C4orf33: variants seen among roughly 807,000 people sequenced by gnomAD.
The protein encoded by C4orf33 is UPF0462 protein C4orf33.
Under a neutral mutation model 24.3 loss-of-function variants are expected in C4orf33, and 20 were observed. The ratio of observed to expected loss-of-function variants is 0.82; its 90% CI spans 0.58 to 1.19. C4orf33 has a LOEUF of 1.19. Ranked by LOEUF, C4orf33 falls within the 50% of genes most tolerant of loss-of-function variation. The pLI, the probability that C4orf33 is intolerant of heterozygous loss-of-function variation, is 0.00. For synonymous variants in C4orf33, 67 were observed against 76.4 expected, an observed-to-expected ratio of 0.88 and a Z score of 0.64; for missense variants, 207 against 225.9, an observed-to-expected ratio of 0.92 and a Z score of 0.54.
Position 129,111,897 on chromosome 4 carries a change from A to C in C4orf33, c.*106A>C. The C allele has an allele frequency of 1.7e-6, 1 of 579,188 alleles. No homozygotes were observed. Among genetic ancestry groups the C allele is most frequent in the Non-Finnish European group, 3.1e-6 (1 of 327,356 alleles). The allele number at this position is 579,188 out of a possible 1,614,324, so 35.9% of individuals were successfully genotyped here. A position where few individuals can be genotyped will look rare whatever the true frequency, so the allele number is the denominator to read the frequency against. ...TGTCATGCATACATTTCAACAACAAATATCTTCATAGAAGTCACTGAAAAT... is the reference window on the plus strand; with the variant it reads ...TGTCATGCATACATTTCAACAACAACTATCTTCATAGAAGTCACTGAAAAT... On this transcript the variant is annotated 3_prime_UTR_variant, in exon 6 of 6. Coordinates refer to ENST00000425929, the MANE Select transcript of C4orf33 (RefSeq NM_001099783.2).
rs373760982 is a variant in C4orf33, at chr4:129,106,644, G to T, written c.239G>T (p.Cys80Phe). The stretch of plus-strand genomic sequence containing the variant: ...GAGCAATATTTAGAAGTTGAACTTT[G>T]TCCGTAAGTATAAAATGTTTTTTCT... ...ITEQYLEVEL[C>F]PHGQHLVLLL... Residue 80 changes from cysteine to phenylalanine, a missense_variant, in exon 3 of 6, where the codon TGT becomes TTT. Coordinates refer to ENST00000425929, the MANE Select transcript of C4orf33 (RefSeq NM_001099783.2). The T allele has an allele frequency of 6.2e-5, 93 of 1,503,794 alleles. No homozygotes were observed. The African/African-American group carries it at 1.2e-3, about 20-fold the overall frequency. 93.2% of individuals were successfully genotyped at this position (1,503,794 alleles called of 1,614,324 possible).
intron 1 of C4orf33, chr4:129,102,086 A>T (rs1337689282): frequency 2.0e-5 from 3 of 152,132 alleles, no homozygotes; most frequent in African/African-American, 7.2e-5. Context: ...GAATTTTATT[A>T]TAAAGATCTT....
In C4orf33 at chr4:129,109,539, C is replaced by T; in HGVS notation, c.361C>T (p.Pro121Ser). ...AAAATGGGAAGGCAAAGCTTATCTC[C>T]CTTGGAGTTATTTTCCACCAAATGT... Reference protein sequence around the residue: ...ETKWEGKAYLPWSYFPPNVTK... With the variant: ...ETKWEGKAYLSWSYFPPNVTK... The change falls in exon 5 of 6, where the codon CCT becomes TCT. Residue 121 changes from proline (P) to serine (S), a missense_variant. By Grantham distance (74) the Pro-to-Ser change is moderately conservative. Coordinates refer to ENST00000425929, the MANE Select transcript of C4orf33 (RefSeq NM_001099783.2). 6.2e-7 allele frequency: 1 copy of T among 1,613,882 alleles called. No individual in the cohort carries two copies. Among genetic ancestry groups the T allele is most frequent in the African/African-American group, 1.3e-5 (1 of 75,016 alleles).
At chr4:129,093,763 T>C (rs1753072062), upstream of C4orf33, 1 of 153,170 alleles carries the variant, frequency 6.5e-6, no homozygotes, top group African/African-American at 2.4e-5. Flanking sequence ...GGTGGGACAG[T>C]GTCTCCAGGT....
intron 5 of C4orf33, among the ~76,000 whole-genome samples, chr4:129,110,352 A>G (rs565157406): frequency 6.6e-6 from 1 of 152,190 alleles, no homozygotes; most frequent in South Asian, 2.1e-4. Flanking sequence ...GTTATCTGCT[A>G]TGCTTTCTCA....
intron 2 of C4orf33, among the ~76,000 whole-genome samples, 182 bp from the exon 3 acceptor site, chr4:129,106,402 TTGA>T (rs1753518377): frequency 6.6e-6 from 1 of 152,030 alleles, no homozygotes; most frequent in Non-Finnish European, 1.5e-5. Context: ...GAGAAAATTG[TTGA>T]TGATTTATTT....
intron 1 of C4orf33, chr4:129,100,651 T>G (rs972995231): frequency 6.6e-6 from 1 of 152,224 alleles, no homozygotes; most frequent in Non-Finnish European, 1.5e-5. Context: ...GATAGGGATC[T>G]CTTTAATGTA....
rs35457698 is a variant in C4orf33, at chr4:129,115,863, TAGAG to T, written c.*4079_*4082del. The T allele has an allele frequency of 6.8e-6, 1 of 146,972 alleles. No individual in the cohort carries two copies. Among genetic ancestry groups the T allele is most frequent in the African/African-American group, 2.5e-5 (1 of 40,316 alleles). 9.1% of individuals were successfully genotyped at this position (146,972 alleles called of 1,614,324 possible). On this transcript the variant is annotated 3_prime_UTR_variant, in exon 6 of 6. Transcript: ENST00000425929. ...TATGTTTATATATAACATATATATA[TAGAG>T]AGAGAGCATAAAATGTGCTGTGTAT...
At chr4:129,110,634 T>C (rs770666028) in intron 5 of C4orf33, among the ~76,000 whole-genome samples, 19 of 152,198 alleles carry the variant, frequency 1.2e-4, no homozygotes, top group Non-Finnish European at 2.4e-4. Context: ...ATTCCTGCCT[T>C]TTAACCTGTG....
chr4:129,110,057 T>C, intron 5 of C4orf33: 1 of 978,128 alleles, frequency 1.0e-6, no homozygotes, highest in South Asian at 4.1e-5. Context: ...CAAGGAAATC[T>C]AATCTTCAGT....
Position 129,115,411 on chromosome 4 carries a change from G to T in C4orf33, c.*3620G>T, listed in dbSNP as rs1753757780. 1 of 152,156 alleles carries T rather than the reference G, an allele frequency of 6.6e-6. No homozygotes were observed. The highest frequency in any genetic ancestry group is 2.1e-4 in the South Asian group (1 of 4,830). The allele number at this position is 152,156 out of a possible 1,614,324, so 9.4% of individuals were successfully genotyped here. On this transcript the variant is annotated 3_prime_UTR_variant, in exon 6 of 6. Transcript: ENST00000425929. ...GACACCTCAGTTATGTGGAACACCTGTGGGAATCTGCTAATCTACTCTGAC... is the reference window on the plus strand; with the variant it reads ...GACACCTCAGTTATGTGGAACACCTTTGGGAATCTGCTAATCTACTCTGAC...
At chr4:129,095,070 G>A (rs924899524), upstream of C4orf33, among the ~76,000 whole-genome samples, 1 of 152,204 alleles carries the variant, frequency 6.6e-6, no homozygotes, top group East Asian at 1.9e-4. Flanking sequence ...GTCTGCACTC[G>A]AATTTTTTAG....
At chr4:129,109,984 C>A in intron 5 of C4orf33, 1 of 1,122,920 alleles carries the variant, frequency 8.9e-7, no homozygotes, top group Non-Finnish European at 1.1e-6. Flanking sequence ...TTTAAAATTT[C>A]TTTCAGAGCT....
At chr4:129,097,027 A>T (rs371701474) in intron 1 of C4orf33, among the ~76,000 whole-genome samples, 1 of 151,936 alleles carries the variant, frequency 6.6e-6, no homozygotes. Flanking sequence ...TTCTGCCTCA[A>T]CCTCCCGAGT....
At position 129,102,600 on chromosome 4, in the gene C4orf33, A is replaced by C. The variant is rs756601587; in HGVS notation, c.-9-2A>C. 8 of 1,581,532 alleles carry C rather than the reference A, an allele frequency of 5.1e-6. No homozygotes were observed. The South Asian group carries it at 9.2e-5, about 18-fold the overall frequency. ...AGTTTGTTTTAACATATTTTCTTTT[A>C]GAGACTTCAGATGGATTTTAAAATT... is the stretch of plus-strand genomic sequence containing the variant. On this transcript the variant is annotated splice_acceptor_variant, in intron 1 of 5. Coordinates refer to ENST00000425929, the MANE Select transcript of C4orf33 (RefSeq NM_001099783.2). LOFTEE classifies it low-confidence loss of function (5UTR_SPLICE).
In C4orf33 at chr4:129,116,215, A is replaced by C. The variant is rs147442009; in HGVS notation, c.*4424A>C. On this transcript the variant is annotated 3_prime_UTR_variant, in exon 6 of 6. Transcript: ENST00000425929. Reference sequence around the variant, plus strand: ...TTCCATGTAATGGGATCTACGAGTAAATTTTTGTCTGATATTTATAAATCT... The same window carrying C: ...TTCCATGTAATGGGATCTACGAGTACATTTTTGTCTGATATTTATAAATCT... The C allele has an allele frequency of 3.7e-4, 57 of 152,176 alleles. 1 individual carries two copies. Among genetic ancestry groups the C allele is most frequent in the African/African-American group, 1.3e-3 (53 of 41,536 alleles). 9.4% of individuals were successfully genotyped at this position (152,176 alleles called of 1,614,324 possible). A position where few individuals can be genotyped will look rare whatever the true frequency, so the allele number is the denominator to read the frequency against.
chr4:129,094,104 A>G (rs1242423822), upstream of C4orf33: 1 of 152,236 alleles, frequency 6.6e-6, no homozygotes, highest in Non-Finnish European at 1.5e-5. Context: ...CTGTGTAGTA[A>G]TAAAGCGTGT....
At chr4:129,099,756 G>T (rs1392398666) in intron 1 of C4orf33, among the ~76,000 whole-genome samples, 2 of 152,034 alleles carry the variant, frequency 1.3e-5, no homozygotes, top group Non-Finnish European at 2.9e-5. Flanking sequence ...AAGGTTGTGG[G>T]GGTTAAATCT....
intron 2 of C4orf33, 26 bp downstream of exon 2, chr4:129,102,817 G>A: frequency 6.3e-7 from 1 of 1,579,518 alleles, no homozygotes; most frequent in Non-Finnish European, 8.6e-7. Context: ...GTATTTTATT[G>A]CAAACATAAA....
Sources: gnomAD v4.1 joint callset for allele counts (sites outside exome capture counted in the v4.1 genomes callset) on GRCh38, gnomAD v4.1.1 for gene constraint, MANE v1.5 for transcripts, NCBI Gene and HGNC (gene_info 2026-07-23, HGNC 2026-07-21) for gene names.